Variants in ATAD3B observed in about 807,000 individuals in gnomAD.
ATAD3B encodes ATPase family AAA domain-containing protein 3B.
Under a neutral mutation model 70.2 loss-of-function variants are expected in ATAD3B, and 59 were observed. The observed-to-expected ratio is 0.84, with a 90% CI of 0.68 to 1.04. The LOEUF (loss-of-function observed/expected upper bound fraction) is 1.04, where lower values mean the gene tolerates loss of function less well. ATAD3B is among the 50% of genes least tolerant of loss of function. The pLI, the probability that ATAD3B is intolerant of heterozygous loss-of-function variation, is 0.00. For missense variants in ATAD3B, 961 were observed against 913.4 expected (o/e 1.05, Z -0.67); for synonymous variants, 423 against 388.6 (o/e 1.09, Z -1.04).
intron 1 of ATAD3B, among the ~76,000 whole-genome samples, chr1:1,473,692 CACCACCTTGGCCAGGGTGGTCTTG>C: frequency 6.6e-6 from 1 of 151,826 alleles, no homozygotes; most frequent in Non-Finnish European, 1.5e-5. Flanking sequence ...GACGTGGTTT[CACCACCTTGGCCAGGGTGGTCTTG>C]ACCACCTGAC....
At chr1:1,505,356 G>A in the ATAD3B span, among the ~76,000 whole-genome samples, 256 of 152,014 alleles carry the variant, frequency 1.7e-3, 14 homozygotes, top group South Asian at 0.051. Context: ...TATCTAAAAG[G>A]CAAAGCCAGG....
At chr1:1,484,900 A>G in intron 7 of ATAD3B, 116 bp from the exon 8 acceptor site, 7 of 1,453,940 alleles carry the variant, frequency 4.8e-6, no homozygotes, top group South Asian at 1.4e-5. Context: ...GGGCCAGCAC[A>G]CGGCCCTGTG....
rs1640218866 is a variant in ATAD3B, at chr1:1,486,407, G to A, written c.1090-137G>A. The A allele has an allele frequency of 6.9e-6, 11 of 1,590,600 alleles. No homozygotes were observed. The Admixed American group carries it at 2.0e-4, about 28-fold the overall frequency. ...GCAGCGCCTCCCATCTTCCAGGCGG[G>A]GGACGTCTCCTGTCTGGCAGGCTGT... On this transcript the variant is annotated intron_variant, in intron 10 of 15. Coordinates refer to ENST00000673477, the MANE Select transcript of ATAD3B (RefSeq NM_031921.6).
At position 1,471,805 on chromosome 1, in the gene ATAD3B, C is replaced by CG. The variant is rs1639336427; in HGVS notation, c.-79dup. 1.6e-6 allele frequency: 2 copies of CG among 1,225,584 alleles called. No homozygotes were observed. Among genetic ancestry groups the CG allele is most frequent in the African/African-American group, 3.2e-5 (2 of 63,234 alleles). The allele number at this position is 1,225,584 out of a possible 1,614,324, so 75.9% of individuals were successfully genotyped here. Reference sequence around the variant, plus strand: ...TGGTCCTGGCCACCGGCTCGCGGCGCGTGGAGGCTGCTCCCAGCCGCGCCC... The same window carrying CG: ...TGGTCCTGGCCACCGGCTCGCGGCGCGGTGGAGGCTGCTCCCAGCCGCGCCC... On this transcript the variant is annotated 5_prime_UTR_variant, in exon 1 of 16. Coordinates refer to ENST00000673477, the MANE Select transcript of ATAD3B (RefSeq NM_031921.6).
the ATAD3B span, chr1:1,503,577 C>G: frequency 2.1e-5 from 33 of 1,609,092 alleles, no homozygotes; most frequent in Non-Finnish European, 2.7e-5. Context: ...TGCCCCTGTG[C>G]CTGCAGGCCA....
At chr1:1,504,656 C>T in the ATAD3B span, among the ~76,000 whole-genome samples, 2 of 131,558 alleles carry the variant, frequency 1.5e-5, no homozygotes, top group Admixed American at 7.2e-5. Context: ...GTCTCAAAAA[C>T]AAAAAAAAAA....
chr1:1,508,985 C>T, the ATAD3B span, among the ~76,000 whole-genome samples: 1 of 151,712 alleles, frequency 6.6e-6, no homozygotes, highest in Non-Finnish European at 1.5e-5. Flanking sequence ...CATTGAGCAA[C>T]AGCAGTGCTG....
At chr1:1,509,064 C>G in the ATAD3B span, 6 of 1,402,788 alleles carry the variant, frequency 4.3e-6, no homozygotes, top group Non-Finnish European at 4.7e-6. Flanking sequence ...TGGGCTCTGC[C>G]GAGGTGCGGG....
intron 1 of ATAD3B, 98 bp from the exon 2 acceptor site, chr1:1,477,176 G>C (rs2100528851): frequency 6.7e-7 from 1 of 1,493,214 alleles, no homozygotes; most frequent in East Asian, 2.4e-5. Flanking sequence ...TTCCCACTAG[G>C]TTTTTGTATT....
At chr1:1,474,766 G>C (rs767731510) in intron 1 of ATAD3B, among the ~76,000 whole-genome samples, 1 of 152,018 alleles carries the variant, frequency 6.6e-6, no homozygotes, top group African/African-American at 2.4e-5. Flanking sequence ...CTCCCAAAGC[G>C]CTGGGATGAC....
chr1:1,499,375 TA>T (rs1379638967), downstream of ATAD3B, among the ~76,000 whole-genome samples: 2 of 148,468 alleles, frequency 1.3e-5, no homozygotes, highest in Non-Finnish European at 3.0e-5. Context: ...TAGCTGGGAT[TA>T]CAGGCACGTG....
At chr1:1,508,934 G>T in the ATAD3B span, among the ~76,000 whole-genome samples, 1 of 151,740 alleles carries the variant, frequency 6.6e-6, no homozygotes, top group African/African-American at 2.4e-5. Context: ...TGGGTCGGCC[G>T]TCAGTGAGGC....
Position 1,495,806 on chromosome 1 carries a change from C to A in ATAD3B, c.1936C>A (p.Pro646Thr). Reference sequence around the variant, plus strand: ...TCGGCCGTTCTGCCCCCCAGGGCACCCCCTGTTGTAGGCACTGGCTAGGGA... The same window carrying A: ...TCGGCCGTTCTGCCCCCCAGGGCACACCCTGTTGTAGGCACTGGCTAGGGA... Reference protein sequence around the residue: ...GGRPFCPPGHPLL With the variant: ...GGRPFCPPGHTLL Residue 646 changes from proline to threonine, a missense_variant, in exon 16 of 16, where the codon CCC (proline) becomes ACC (threonine). Pro to Thr is a conservative substitution (Grantham distance 38). Transcript: ENST00000673477. 1.3e-6 allele frequency: 2 copies of A among 1,584,588 alleles called. No individual in the cohort carries two copies. The highest frequency in any genetic ancestry group is 8.6e-7 in the Non-Finnish European group (1 of 1,165,228).
chr1:1,483,141 A>G (rs544867491), intron 7 of ATAD3B: 16 of 404,866 alleles, frequency 4.0e-5, no homozygotes, highest in Non-Finnish European at 7.4e-5. Flanking sequence ...AAAAAGAAAA[A>G]AAAAGAAAAG....
chr1:1,503,270 C>T, the ATAD3B span: 2 of 294,072 alleles, frequency 6.8e-6, no homozygotes, highest in African/African-American at 2.1e-5. Flanking sequence ...ATAAAATGGA[C>T]ACTTTACCCA....
At chr1:1,477,536 G>A (rs1232249704) in intron 2 of ATAD3B, among the ~76,000 whole-genome samples, 186 bp downstream of exon 2, 1 of 151,850 alleles carries the variant, frequency 6.6e-6, no homozygotes, top group African/African-American at 2.4e-5. Context: ...CTGCCGCAGA[G>A]CCGCCCGAGA....
chr1:1,475,255 T>C (rs1038942119), intron 1 of ATAD3B, among the ~76,000 whole-genome samples: 7 of 151,266 alleles, frequency 4.6e-5, no homozygotes, highest in Non-Finnish European at 1.0e-4. Flanking sequence ...CTGTGGATTG[T>C]GTTCCAGGTG....
At chr1:1,509,172 G>A in the ATAD3B span, 1 of 1,607,626 alleles carries the variant, frequency 6.2e-7, no homozygotes, top group Non-Finnish European at 8.5e-7. Flanking sequence ...GGTTCCCATG[G>A]CGGCCTCCCT....
At chr1:1,500,913 C>T (rs1389921825), downstream of ATAD3B, among the ~76,000 whole-genome samples, 3 of 151,898 alleles carry the variant, frequency 2.0e-5, no homozygotes, top group Non-Finnish European at 4.4e-5. Context: ...GCCGAGATTG[C>T]GGCACTGCAC....
Sources: gnomAD v4.1 joint callset for allele counts (sites outside exome capture counted in the v4.1 genomes callset) on GRCh38, gnomAD v4.1.1 for gene constraint, MANE v1.5 for transcripts, NCBI Gene and HGNC (gene_info 2026-07-23, HGNC 2026-07-21) for gene names.